ADAMTS7: variants seen among roughly 807,000 people sequenced by gnomAD.
The protein encoded by ADAMTS7 is ADAM metallopeptidase with thrombospondin type 1 motif 7, also known as A disintegrin and metalloproteinase with thrombospondin motifs 7.
In ADAMTS7, 89 loss-of-function variants were observed where a neutral mutation model predicts 172.6. The observed-to-expected ratio is 0.52, with a 90% CI of 0.43 to 0.61. The LOEUF is 0.61. ADAMTS7 is among the 20% of genes least tolerant of loss of function. The pLI is 0.00. For synonymous variants in ADAMTS7, 885 were observed against 978.4 expected (o/e 0.90, Z 1.78); for missense variants, 1,973 against 2,355.6 (o/e 0.84, Z 3.36).
intron 8 of ADAMTS7, among the ~76,000 whole-genome samples, chr15:78,781,322 C>G (rs1003233907): frequency 1.3e-5 from 2 of 152,178 alleles, no homozygotes; most frequent in African/African-American, 4.8e-5. Flanking sequence ...CCACCCTCCC[C>G]ACCTCCGCAC....
Position 78,802,472 on chromosome 15 carries a change from C to T in ADAMTS7, c.101-1925G>A, listed in dbSNP as rs143086463. 1.6e-3 allele frequency among the ~76,000 whole-genome samples: 239 copies of T among 152,324 alleles called. 1 individual carries two copies. The highest frequency in any genetic ancestry group is 3.6e-3 in the African/African-American group (151 of 41,574). Reference sequence around the variant, plus strand: ...CCACTGGGGCTCCCTGGCCGCTAACCACCACTTCAACAGGGTAGCTCTGGT... The same window carrying T: ...CCACTGGGGCTCCCTGGCCGCTAACTACCACTTCAACAGGGTAGCTCTGGT... On this transcript the variant is annotated intron_variant, in intron 1 of 23. Transcript: ENST00000388820.
Position 78,781,804 on chromosome 15 carries a change from C to T in ADAMTS7, c.1323-4216G>A, listed in dbSNP as rs557328616. Among the ~76,000 whole-genome samples the T allele has an allele frequency of 2.9e-3, 440 of 152,320 alleles. 1 individual carries two copies. Among genetic ancestry groups the T allele is most frequent in the Non-Finnish European group, 4.9e-3 (331 of 68,028 alleles). On this transcript the variant is annotated intron_variant, in intron 8 of 23. Transcript: ENST00000388820. The stretch of plus-strand genomic sequence containing the variant: ...TCCTCCCCATCTTCAGGCCACTTCC[C>T]TGGTTCAAGTCCATCCCATCTATCA...
At chr15:78,760,881 T>C (rs549901677) in intron 23 of ADAMTS7, among the ~76,000 whole-genome samples, 218 of 152,028 alleles carry the variant, frequency 1.4e-3, no homozygotes, top group Non-Finnish European at 1.8e-3. Context: ...TGGGAGACCT[T>C]GCAAGCCCAG....
At chr15:78,798,950 C>T (rs1177858516) in intron 2 of ADAMTS7, among the ~76,000 whole-genome samples, 1 of 152,000 alleles carries the variant, frequency 6.6e-6, no homozygotes, top group Non-Finnish European at 1.5e-5. Flanking sequence ...GAGTCCCCCC[C>T]TCCCGCCCAC....
At chr15:78,774,054 G>A in intron 13 of ADAMTS7, 113 bp downstream of exon 13, 1 of 1,497,884 alleles carries the variant, frequency 6.7e-7, no homozygotes, top group South Asian at 1.2e-5. Context: ...GAGAGAACCT[G>A]GGGCCCGCCA....
intron 14 of ADAMTS7, among the ~76,000 whole-genome samples, chr15:78,772,671 G>A (rs939461198): frequency 6.6e-6 from 1 of 152,256 alleles, no homozygotes; most frequent in Non-Finnish European, 1.5e-5. Context: ...ACACCAAAAG[G>A]TTCTGTCCCC....
chr15:78,770,454 C>G (rs1167284615), intron 16 of ADAMTS7, among the ~76,000 whole-genome samples: 1 of 115,334 alleles, frequency 8.7e-6, no homozygotes, highest in Non-Finnish European at 1.7e-5. Flanking sequence ...CAAGGAATGG[C>G]AGGGGAGACC....
intron 2 of ADAMTS7, 112 bp from the exon 3 acceptor site, chr15:78,798,225 T>C (rs924327221): frequency 2.5e-5 from 26 of 1,053,938 alleles, no homozygotes; most frequent in Non-Finnish European, 2.6e-5. Context: ...ACACCACCTG[T>C]GACTGCCCGC....
intron 8 of ADAMTS7, among the ~76,000 whole-genome samples, chr15:78,784,208 T>A (rs930345049): frequency 2.6e-5 from 4 of 151,576 alleles, no homozygotes; most frequent in Non-Finnish European, 5.9e-5. Flanking sequence ...AAATTAAAAA[T>A]TAAAAAATTA....
rs960039127 is a variant in ADAMTS7, at chr15:78,797,870, TA to T, written c.622+77del. 58 of 1,514,350 alleles carry T rather than the reference TA, an allele frequency of 3.8e-5. No individual in the cohort carries two copies. The Admixed American group carries it at 8.9e-4, about 23-fold the overall frequency. 93.8% of individuals were successfully genotyped at this position (1,514,350 alleles called of 1,614,324 possible). ...TAAGGGGCACTGGGCATGGGGATGT[TA>T]AGGGGGGCTTCTAGAAAGGCCCCTT... On this transcript the variant is annotated intron_variant, in intron 3 of 23. Coordinates refer to ENST00000388820, the MANE Select transcript of ADAMTS7 (RefSeq NM_014272.5).
At chr15:78,767,668 G>T in intron 17 of ADAMTS7, 76 bp from the exon 18 acceptor site, 1 of 1,392,208 alleles carries the variant, frequency 7.2e-7, no homozygotes, top group Non-Finnish European at 9.6e-7. Flanking sequence ...GGGGGGCCAG[G>T]CTGGGCTTCC....
chr15:78,797,162 G>T (rs553675006), intron 3 of ADAMTS7, among the ~76,000 whole-genome samples: 1 of 152,182 alleles, frequency 6.6e-6, no homozygotes, highest in Non-Finnish European at 1.5e-5. Context: ...CCACCCTGGG[G>T]GCTTAGTGCA....
chr15:78,778,687 G>A (rs540782210), intron 8 of ADAMTS7, among the ~76,000 whole-genome samples: 3 of 152,336 alleles, frequency 2.0e-5, no homozygotes, highest in South Asian at 2.1e-4. Flanking sequence ...CCTCTAGCCA[G>A]GCAGAGGAGA....
intron 4 of ADAMTS7, among the ~76,000 whole-genome samples, chr15:78,794,791 C>T (rs1437467459): frequency 6.6e-6 from 1 of 152,200 alleles, no homozygotes; most frequent in Non-Finnish European, 1.5e-5. Flanking sequence ...GATCTCAGCT[C>T]ACTGCAACCT....
intron 2 of ADAMTS7, among the ~76,000 whole-genome samples, chr15:78,798,817 G>A (rs559419427): frequency 4.6e-5 from 7 of 152,228 alleles, no homozygotes; most frequent in African/African-American, 1.4e-4. Context: ...AAGGTTTTAT[G>A]TCCCTCGGAC....
chr15:78,776,409 G>T (rs531475132), intron 10 of ADAMTS7, 76 bp from the exon 11 acceptor site: 8 of 1,538,654 alleles, frequency 5.2e-6, no homozygotes, highest in South Asian at 3.7e-5. Flanking sequence ...AGAACAAGGT[G>T]GGTGGGAAGG....
intron 19 of ADAMTS7, among the ~76,000 whole-genome samples, chr15:78,765,389 T>C (rs545743453): frequency 3.1e-4 from 47 of 152,340 alleles, no homozygotes; most frequent in African/African-American, 1.1e-3. Flanking sequence ...CCGTCCCCAC[T>C]GCACAGCTGT....
At chr15:78,789,645 G>T in intron 7 of ADAMTS7, 44 bp downstream of exon 7, 1 of 1,607,946 alleles carries the variant, frequency 6.2e-7, no homozygotes, top group Non-Finnish European at 8.5e-7. Context: ...GGCTGCGAGG[G>T]TGAAGCTCGG....
chr15:78,803,992 T>C (rs1030848024), intron 1 of ADAMTS7, among the ~76,000 whole-genome samples: 2 of 152,208 alleles, frequency 1.3e-5, no homozygotes, highest in African/African-American at 4.8e-5. Flanking sequence ...TCACGGTCCC[T>C]TAGGCTGTGG....
Sources: gnomAD v4.1 joint callset for allele counts (sites outside exome capture counted in the v4.1 genomes callset) on GRCh38, gnomAD v4.1.1 for gene constraint, MANE v1.5 for transcripts, NCBI Gene and HGNC (gene_info 2026-07-23, HGNC 2026-07-21) for gene names.